The following GABRB1 variants were observed in gnomAD, a reference collection of about 807,000 sequenced individuals.
GABRB1 encodes gamma-aminobutyric acid type A receptor subunit beta1.
A neutral mutation model predicts 51.6 loss-of-function variants in GABRB1; 17 were observed. The observed-to-expected ratio is 0.33, with a 90% CI of 0.23 to 0.49. The LOEUF is 0.49. Among genes scored for constraint, GABRB1 ranks in the 20% least tolerant of loss-of-function variants. GABRB1 has a pLI of 0.99. For missense variants in GABRB1, 410 were observed against 600.6 expected, an observed-to-expected ratio of 0.68 and a Z score of 3.32; for synonymous variants, 247 against 218.9, an observed-to-expected ratio of 1.13 and a Z score of -1.14.
intron 4 of GABRB1, among the ~76,000 whole-genome samples, chr4:47,169,959 G>C (rs1286728199): frequency 1.3e-5 from 2 of 152,184 alleles, no homozygotes; most frequent in African/African-American, 4.8e-5. Flanking sequence ...ACTAACTGCA[G>C]AAGGTAGACA....
At position 47,161,356 on chromosome 4, in the gene GABRB1, C is replaced by G. The variant is rs1717949655; in HGVS notation, c.348C>G (p.Leu116=). Residue 116 remains leucine, a synonymous_variant, in exon 4 of 9, where the codon CTC becomes CTG. Coordinates refer to ENST00000295454, the MANE Select transcript of GABRB1 (RefSeq NM_000812.4). ...TAGACAATAGGGTAGCTGACCAACT[C>G]TGGGTACCAGACACCTACTTTCTGA... ...LTLDNRVADQ[L]WVPDTYFLND... is the part of the protein sequence containing the mutation. The G allele has an allele frequency of 1.2e-6, 2 of 1,612,716 alleles. No individual in the cohort carries two copies. Among genetic ancestry groups the G allele is most frequent in the Non-Finnish European group, 1.7e-6 (2 of 1,179,208 alleles).
chr4:47,204,513 A>T (rs991917749), intron 4 of GABRB1, among the ~76,000 whole-genome samples: 1 of 151,986 alleles, frequency 6.6e-6, no homozygotes, highest in Non-Finnish European at 1.5e-5. Flanking sequence ...ACCCTAACCC[A>T]AACATACTTG....
chr4:47,254,962 A>G (rs1205812148), intron 4 of GABRB1, among the ~76,000 whole-genome samples: 2 of 152,200 alleles, frequency 1.3e-5, no homozygotes, highest in Non-Finnish European at 2.9e-5. Flanking sequence ...AATTCTGCCT[A>G]TTTGCTCAGT....
intron 4 of GABRB1, among the ~76,000 whole-genome samples, chr4:47,282,934 G>A (rs1723346874): frequency 1.3e-5 from 2 of 152,204 alleles, no homozygotes; most frequent in Admixed American, 1.3e-4. Context: ...AGAAGGCTGT[G>A]TGCAGTAATT....
chr4:47,018,082 C>G (rs555670211), intron 1 of GABRB1, among the ~76,000 whole-genome samples: 2 of 151,470 alleles, frequency 1.3e-5, no homozygotes, highest in African/African-American at 2.4e-5. Flanking sequence ...CCTCCTTCTT[C>G]TTCTCCCTCT....
intron 3 of GABRB1, among the ~76,000 whole-genome samples, chr4:47,096,467 A>T (rs1296248748): frequency 6.6e-6 from 1 of 152,162 alleles, no homozygotes. Flanking sequence ...ATTGCAGTAA[A>T]CTGGTTCGGT....
chr4:47,420,882 G>C (rs1292423949), intron 8 of GABRB1, among the ~76,000 whole-genome samples: 2 of 151,928 alleles, frequency 1.3e-5, no homozygotes, highest in African/African-American at 4.8e-5. Flanking sequence ...CAGAAAGCTG[G>C]AGGGTGAGGG....
chr4:47,183,186 C>T (rs1477866518), intron 4 of GABRB1, among the ~76,000 whole-genome samples: 1 of 151,362 alleles, frequency 6.6e-6, no homozygotes, highest in East Asian at 1.9e-4. Flanking sequence ...GTTTCACTGA[C>T]ATCTCTGTGA....
At chr4:47,373,486 G>A (rs984896899) in intron 5 of GABRB1, among the ~76,000 whole-genome samples, 2 of 152,180 alleles carry the variant, frequency 1.3e-5, no homozygotes, top group African/African-American at 4.8e-5. Flanking sequence ...GGACTCAGAA[G>A]AGCAATACAT....
At chr4:47,281,456 A>G (rs1457716401) in intron 4 of GABRB1, among the ~76,000 whole-genome samples, 1 of 152,210 alleles carries the variant, frequency 6.6e-6, no homozygotes, top group East Asian at 1.9e-4. Context: ...ATGAATGTAA[A>G]TTAGTACAAT....
intron 3 of GABRB1, among the ~76,000 whole-genome samples, chr4:47,040,174 C>T (rs1188515499): frequency 1.3e-5 from 2 of 152,142 alleles, no homozygotes; most frequent in Admixed American, 6.6e-5. Context: ...AGAAGTGATG[C>T]TGGAATATCT....
intron 8 of GABRB1, 26 bp downstream of exon 8, chr4:47,406,952 T>C (rs1728595035): frequency 7.5e-6 from 12 of 1,597,840 alleles, no homozygotes; most frequent in Non-Finnish European, 1.0e-5. Flanking sequence ...TTCCTAACAA[T>C]ATTCTTGTTA....
At chr4:47,422,540 C>T (rs764172093) in intron 8 of GABRB1, among the ~76,000 whole-genome samples, 2 of 152,152 alleles carry the variant, frequency 1.3e-5, no homozygotes, top group Non-Finnish European at 2.9e-5. Flanking sequence ...CTCTGAAACA[C>T]TATTGACCAT....
chr4:47,386,922 A>G (rs918858187), intron 5 of GABRB1, among the ~76,000 whole-genome samples: 5 of 152,184 alleles, frequency 3.3e-5, no homozygotes, highest in African/African-American at 9.7e-5. Flanking sequence ...AATATGAGAA[A>G]CATAGAGATA....
At chr4:47,339,190 G>A (rs187986276) in intron 5 of GABRB1, among the ~76,000 whole-genome samples, 1 of 152,186 alleles carries the variant, frequency 6.6e-6, no homozygotes, top group African/African-American at 2.4e-5. Context: ...AGAAAATCCA[G>A]GTGGAAGAAT....
At chr4:47,417,839 G>A (rs1260869072) in intron 8 of GABRB1, among the ~76,000 whole-genome samples, 3 of 152,164 alleles carry the variant, frequency 2.0e-5, no homozygotes, top group Non-Finnish European at 4.4e-5. Flanking sequence ...CTTTAAAACC[G>A]CCACTGAAAA....
At chr4:47,123,776 T>G (rs1239293962) in intron 3 of GABRB1, among the ~76,000 whole-genome samples, 1 of 90,394 alleles carries the variant, frequency 1.1e-5, no homozygotes, top group African/African-American at 4.6e-5. Context: ...TTATATATCA[T>G]ATATTATTAT....
chr4:47,025,949 C>A (rs1431373343), intron 1 of GABRB1, among the ~76,000 whole-genome samples: 4 of 151,954 alleles, frequency 2.6e-5, no homozygotes, highest in African/African-American at 9.7e-5. Context: ...TGTTCTAACT[C>A]CTCCCAAATT....
At chr4:47,169,903 G>A (rs935271893) in intron 4 of GABRB1, among the ~76,000 whole-genome samples, 2 of 152,122 alleles carry the variant, frequency 1.3e-5, no homozygotes, top group Non-Finnish European at 2.9e-5. Flanking sequence ...TAGGAAGACA[G>A]TTGTCTATGT....
Sources: gnomAD v4.1 joint callset for allele counts (sites outside exome capture counted in the v4.1 genomes callset) on GRCh38, gnomAD v4.1.1 for gene constraint, MANE v1.5 for transcripts, NCBI Gene and HGNC (gene_info 2026-07-23, HGNC 2026-07-21) for gene names.